HDAC9: variants seen among roughly 807,000 people sequenced by gnomAD.
HDAC9 encodes the protein MEF-2 interacting transcription repressor (MITR) protein.
Under a neutral mutation model 139.4 loss-of-function variants are expected in HDAC9, and 41 were observed. The observed-to-expected ratio is 0.29, with a 90% CI of 0.23 to 0.38. The LOEUF (loss-of-function observed/expected upper bound fraction) is 0.38. HDAC9 is among the 10% of genes least tolerant of loss of function. The probability of loss-of-function intolerance (pLI) is 1.00; values close to 1 mark genes in which losing one functional copy is unlikely to be tolerated. For synonymous variants in HDAC9, 517 were observed against 476.2 expected (o/e 1.09, Z -1.12); for missense variants, 1,147 against 1,297.0 (o/e 0.88, Z 1.78).
At chr7:18,801,425 T>G (rs1008568314) in intron 17 of HDAC9, among the ~76,000 whole-genome samples, 4 of 152,210 alleles carry the variant, frequency 2.6e-5, no homozygotes, top group African/African-American at 7.2e-5. Context: ...AATTTTTGTA[T>G]TCTTGAGATA....
At position 18,237,645 on chromosome 7, in the gene HDAC9, C is replaced by T. The variant is rs115938664; in HGVS notation, c.25+75296C>T. Among the ~76,000 whole-genome samples the T allele has an allele frequency of 6.7e-3, 1,023 of 152,124 alleles. 11 individuals carry two copies. The highest frequency in any genetic ancestry group is 0.024 in the African/African-American group (975 of 41,470). ...TTTGAAAGATATTTTGAAGGAAGAA[C>T]GGATGAAGTACTGAGCTGGGTAATT... On this transcript the variant is annotated intron_variant, in intron 2 of 12. Transcript: ENST00000417496.
chr7:18,683,865 A>T (rs914733538), intron 12 of HDAC9, among the ~76,000 whole-genome samples: 16 of 152,164 alleles, frequency 1.1e-4, no homozygotes, highest in Admixed American at 7.2e-4. Flanking sequence ...AAACTTTTTT[A>T]ATTTTCAAGT....
At position 18,644,690 on chromosome 7, in the gene HDAC9, G is replaced by A. The variant is rs774238794; in HGVS notation, c.932G>A (p.Arg311His). 2.9e-5 allele frequency: 46 copies of A among 1,609,998 alleles called. No homozygotes were observed. Among genetic ancestry groups the A allele is most frequent in the East Asian group, 4.5e-5 (2 of 44,628 alleles). ...TAACAGCAAATGGTTTCACAGCAACGCATTCTAATTCATGAAGATTCCATG... is the reference window on the plus strand; with the variant it reads ...TAACAGCAAATGGTTTCACAGCAACACATTCTAATTCATGAAGATTCCATG... ...PHAEQMVSQQ[R>H]ILIHEDSMNL... The change falls in exon 9 of 26, where the codon CGC becomes CAC. Residue 311 changes from arginine to histidine, a missense_variant. By Grantham distance (29) the Arg-to-His change is conservative. This residue lies in a region of HDAC9 where 264 missense variants were observed against 273.8 expected (regional missense o/e 0.96). Transcript: ENST00000686413.
chr7:18,552,225 A>G (rs1372848447), intron 2 of HDAC9, among the ~76,000 whole-genome samples: 1 of 152,184 alleles, frequency 6.6e-6, no homozygotes, highest in African/African-American at 2.4e-5. Flanking sequence ...TATAGGTGGA[A>G]ATATAAATTA....
rs575710917 is a variant in HDAC9, at chr7:18,635,896, T to A, written c.912+1154T>A. On this transcript the variant is annotated intron_variant, in intron 8 of 25. Coordinates refer to ENST00000686413, the MANE Select transcript of HDAC9 (RefSeq NM_178425.4). The stretch of plus-strand genomic sequence containing the variant: ...AACCCAGTTGATTTTAAATAGTTAT[T>A]TTGACTGATATGTCTCTGTACAGCT... Among the ~76,000 whole-genome samples the A allele has an allele frequency of 1.8e-4, 27 of 152,226 alleles. No homozygotes were observed. The South Asian group carries it at 5.0e-3, about 28-fold the overall frequency.
At chr7:18,213,828 T>C (rs935567327) in intron 2 of HDAC9, among the ~76,000 whole-genome samples, 3 of 152,154 alleles carry the variant, frequency 2.0e-5, no homozygotes, top group Admixed American at 1.3e-4. Context: ...TCTTGAGACA[T>C]GTCTACCAGG....
rs1584132089 is a variant in HDAC9, at chr7:18,115,571, T to C, written c.-97+28358T>C. ...GTCATTTACATTTTATATTATTTTA[T>C]ATCCTTGAGGGAGTTACTATTATTT... On this transcript the variant is annotated intron_variant, in intron 1 of 12. Coordinates refer to the HDAC9 transcript ENST00000417496. Among the ~76,000 whole-genome samples the C allele has an allele frequency of 2.0e-5, 3 of 152,364 alleles. No individual in the cohort carries two copies. In the South Asian group the frequency reaches 6.2e-4, roughly 32 times the overall value.
rs533824151 is a variant in HDAC9, at chr7:18,865,036, A to T, written c.2685-9442A>T. On this transcript the variant is annotated intron_variant, in intron 21 of 25. Transcript: ENST00000686413. ...GCCAAGCTTCACTGACCAGAGACTC[A>T]TGGGTCATTAAAACAAACAAAACAA... Among the ~76,000 whole-genome samples the T allele has an allele frequency of 8.5e-5, 13 of 152,318 alleles. 1 individual carries two copies. The South Asian group carries it at 2.5e-3, about 29-fold the overall frequency.
At chr7:18,187,182 A>G (rs963716973) in intron 2 of HDAC9, among the ~76,000 whole-genome samples, 2 of 152,216 alleles carry the variant, frequency 1.3e-5, no homozygotes, top group African/African-American at 4.8e-5. Flanking sequence ...AAAGGCGGGC[A>G]AAAATGAAAT....
chr7:18,500,120 A>T (rs969221909), intron 2 of HDAC9, among the ~76,000 whole-genome samples: 1 of 152,194 alleles, frequency 6.6e-6, no homozygotes, highest in African/African-American at 2.4e-5. Flanking sequence ...GAATGGAGAC[A>T]AGAATGAGTA....
At chr7:18,145,381 A>G (rs1786234326) in intron 1 of HDAC9, among the ~76,000 whole-genome samples, 1 of 152,182 alleles carries the variant, frequency 6.6e-6, no homozygotes, top group Non-Finnish European at 1.5e-5. Flanking sequence ...TATGGTTTCA[A>G]GTTGACTGAG....
intron 12 of HDAC9, among the ~76,000 whole-genome samples, chr7:18,716,961 G>C (rs1784741293): frequency 7.5e-6 from 1 of 133,318 alleles, no homozygotes. Context: ...AAGAATATTT[G>C]ATTTGCAAAA....
chr7:18,594,958 T>C (rs186693587), intron 6 of HDAC9, among the ~76,000 whole-genome samples: 1 of 152,196 alleles, frequency 6.6e-6, no homozygotes, highest in Non-Finnish European at 1.5e-5. Flanking sequence ...ATATATGAAA[T>C]CTGCAGAGTG....
chr7:18,333,063 T>C (rs1781317795), intron 1 of HDAC9, among the ~76,000 whole-genome samples: 2 of 151,566 alleles, frequency 1.3e-5, no homozygotes, highest in South Asian at 4.1e-4. Context: ...AAGATACTCT[T>C]TATACTGTAT....
At chr7:18,310,006 T>C (rs1799194458) in intron 1 of HDAC9, among the ~76,000 whole-genome samples, 1 of 152,152 alleles carries the variant, frequency 6.6e-6, no homozygotes, top group Non-Finnish European at 1.5e-5. Flanking sequence ...ATTCTAGGCT[T>C]TCTGGTTCAG....
chr7:18,271,849 A>G (rs1296033840), intron 2 of HDAC9, among the ~76,000 whole-genome samples: 1 of 152,204 alleles, frequency 6.6e-6, no homozygotes, highest in Non-Finnish European at 1.5e-5. Flanking sequence ...TGTTCACCAC[A>G]GTATCTCAGG....
At position 18,315,931 on chromosome 7, in the gene HDAC9, G is replaced by C. The variant is rs559914041; in HGVS notation, c.-42+25416G>C. 2.6e-5 allele frequency among the ~76,000 whole-genome samples: 4 copies of C among 152,286 alleles called. No homozygotes were observed. The East Asian group carries it at 5.8e-4, about 22-fold the overall frequency. On this transcript the variant is annotated intron_variant, in intron 1 of 3. Coordinates refer to the HDAC9 transcript ENST00000413509. ...TGCAATTGTCTTTTTCTATTTATGT[G>C]ACTTCGGAAAGTTACTACTGAGTTT...
chr7:18,911,233 G>A (rs1464603797), intron 22 of HDAC9, among the ~76,000 whole-genome samples: 1 of 150,394 alleles, frequency 6.6e-6, no homozygotes, highest in African/African-American at 2.4e-5. Flanking sequence ...TAATTTGTTG[G>A]TTTATACTTG....
intron 1 of HDAC9, among the ~76,000 whole-genome samples, chr7:18,437,759 T>C (rs1347242336): frequency 2.0e-5 from 3 of 151,638 alleles, no homozygotes; most frequent in Admixed American, 2.0e-4. Context: ...TTTAAAAATA[T>C]TATTAAAAGT....
Sources: gnomAD v4.1 joint callset for allele counts (sites outside exome capture counted in the v4.1 genomes callset) on GRCh38, gnomAD v4.1.1 for gene constraint, gnomAD v4.1.1 regional missense constraint, MANE v1.5 for transcripts, NCBI Gene and HGNC (gene_info 2026-07-23, HGNC 2026-07-21) for gene names.